KALRN: variants seen among roughly 807,000 people sequenced by gnomAD.
The protein encoded by KALRN is kalirin RhoGEF kinase, also known as kalirin.
KALRN carries 70 observed loss-of-function variants against 353.7 expected under a neutral mutation model. That is an observed-to-expected ratio of 0.20 (90% CI 0.16 to 0.24). The LOEUF is 0.24. KALRN is among the 10% of genes least tolerant of loss of function. The probability of loss-of-function intolerance (pLI) is 1.00; values close to 1 mark genes in which losing one functional copy is unlikely to be tolerated. For missense variants in KALRN, 2,791 were observed against 3,756.7 expected (o/e 0.74, Z 6.72); for synonymous variants, 1,391 against 1,434.8 (o/e 0.97, Z 0.69).
intron 40 of KALRN, 69 bp from the exon 41 acceptor site, chr3:124,657,665 C>A: frequency 7.2e-7 from 1 of 1,386,592 alleles, no homozygotes; most frequent in Non-Finnish European, 1.0e-6. Context: ...TGTAATTCAT[C>A]TTATTATTGA....
At chr3:124,679,785 C>T (rs562057547) in intron 51 of KALRN, 8 of 518,546 alleles carry the variant, frequency 1.5e-5, no homozygotes, top group South Asian at 1.5e-4. Flanking sequence ...GCAGGTTTGA[C>T]TTTATGTAGA....
intron 1 of KALRN, chr3:124,162,833 A>T (rs888070634): frequency 5.3e-5 from 8 of 152,244 alleles, no homozygotes; most frequent in African/African-American, 1.9e-4. Flanking sequence ...GGAGACAAGG[A>T]TGACTGAATG....
intron 13 of KALRN, among the ~76,000 whole-genome samples, chr3:124,407,015 G>C (rs973474220): frequency 2.9e-4 from 44 of 151,846 alleles, no homozygotes; most frequent in African/African-American, 1.1e-3. Flanking sequence ...TGTATTTTTA[G>C]TAGAGATGGG....
intron 41 of KALRN, 54 bp from the exon 42 acceptor site, chr3:124,658,377 G>T: frequency 7.2e-7 from 1 of 1,395,054 alleles, no homozygotes; most frequent in Non-Finnish European, 1.0e-6. Flanking sequence ...CTCTGAGATT[G>T]AACAAAAGAC....
At chr3:124,717,512 C>T (rs897398173) in intron 59 of KALRN, 127 bp downstream of exon 59, 53 of 526,132 alleles carry the variant, frequency 1.0e-4, no homozygotes, top group East Asian at 4.8e-4. Context: ...CGGTGAAACC[C>T]CGTCTCTACT....
intron 1 of KALRN, among the ~76,000 whole-genome samples, chr3:124,093,089 C>G (rs1052157301): frequency 6.6e-6 from 1 of 152,184 alleles, no homozygotes; most frequent in Non-Finnish European, 1.5e-5. Context: ...AACCACAAGG[C>G]AGTTGGGGGG....
At chr3:124,637,458 C>A (rs1378895106) in intron 37 of KALRN, among the ~76,000 whole-genome samples, 155 bp downstream of exon 37, 1 of 152,152 alleles carries the variant, frequency 6.6e-6, no homozygotes, top group East Asian at 1.9e-4. Context: ...CCCCAGAGTC[C>A]TTTTTGACTT....
At chr3:124,602,957 G>GTTTT (rs779600857) in intron 34 of KALRN, among the ~76,000 whole-genome samples, 6,732 of 130,834 alleles carry the variant, frequency 0.051, 189 homozygotes, top group Middle Eastern at 0.15. Context: ...TTTTGTTGTT[G>GTTTT]TTTTGTTTTG....
intron 34 of KALRN, among the ~76,000 whole-genome samples, chr3:124,598,733 G>A (rs2076507796): frequency 6.6e-6 from 1 of 152,162 alleles, no homozygotes; most frequent in Non-Finnish European, 1.5e-5. Flanking sequence ...CTGGAGTGCA[G>A]TGGCTCAATC....
intron 1 of KALRN, among the ~76,000 whole-genome samples, chr3:124,074,002 T>C (rs772360833): frequency 3.3e-5 from 5 of 152,036 alleles, no homozygotes; most frequent in African/African-American, 7.2e-5. Context: ...AAGGAATGAA[T>C]GGACTTGGAT....
chr3:124,359,917 A>G (rs556195273), intron 10 of KALRN, among the ~76,000 whole-genome samples: 1 of 152,344 alleles, frequency 6.6e-6, no homozygotes, highest in East Asian at 1.9e-4. Flanking sequence ...GTGCTTTGAG[A>G]TGGCCAGGTG....
chr3:124,680,069 G>C (rs2087614515), intron 51 of KALRN, among the ~76,000 whole-genome samples: 1 of 152,256 alleles, frequency 6.6e-6, no homozygotes, highest in African/African-American at 2.4e-5. Flanking sequence ...CAAATAAGGT[G>C]TAATTGTAGC....
At chr3:124,147,634 A>G (rs958410273) in intron 1 of KALRN, among the ~76,000 whole-genome samples, 1 of 152,222 alleles carries the variant, frequency 6.6e-6, no homozygotes, top group African/African-American at 2.4e-5. Context: ...AACATCTTGC[A>G]CAACTGTAGT....
chr3:124,261,697 T>G (rs1362999136), intron 3 of KALRN, among the ~76,000 whole-genome samples: 3 of 152,192 alleles, frequency 2.0e-5, no homozygotes, highest in Non-Finnish European at 4.4e-5. Context: ...ATATTTGTTG[T>G]TAGGGACAAA....
chr3:124,521,694 AC>A (rs540197060), intron 33 of KALRN, among the ~76,000 whole-genome samples: 134 of 152,294 alleles, frequency 8.8e-4, no homozygotes, highest in African/African-American at 3.1e-3. Context: ...TCAGGGTGGC[AC>A]TTACCAAAGC....
At chr3:124,487,912 G>T (rs1035242158) in intron 28 of KALRN, among the ~76,000 whole-genome samples, 2 of 152,158 alleles carry the variant, frequency 1.3e-5, no homozygotes, top group African/African-American at 2.4e-5. Context: ...TCTCTAAGAG[G>T]GCAGTCCAGT....
At chr3:124,556,090 C>T (rs1015371725) in intron 33 of KALRN, among the ~76,000 whole-genome samples, 4 of 152,094 alleles carry the variant, frequency 2.6e-5, no homozygotes, top group African/African-American at 9.7e-5. Flanking sequence ...AAAACCTGCA[C>T]CAGCACCAAG....
chr3:124,258,176 CA>C (rs2072312264), intron 3 of KALRN, among the ~76,000 whole-genome samples: 1 of 152,106 alleles, frequency 6.6e-6, no homozygotes, highest in South Asian at 2.1e-4. Context: ...GAGACAGAGC[CA>C]GGGGGTGGAA....
chr3:124,133,631 G>A (rs2149714305), intron 1 of KALRN, among the ~76,000 whole-genome samples: 1 of 152,300 alleles, frequency 6.6e-6, no homozygotes, highest in Non-Finnish European at 1.5e-5. Flanking sequence ...GAGGAATCTG[G>A]GGCTATTGCC....
Sources: allele counts gnomAD v4.1 joint callset (sites outside exome capture counted in the v4.1 genomes callset), GRCh38; gene constraint gnomAD v4.1.1; transcripts MANE v1.5; gene names NCBI Gene and HGNC (gene_info 2026-07-23, HGNC 2026-07-21).